The following SH3BGRL2 variants were observed in gnomAD, a reference collection of about 807,000 sequenced individuals.
SH3BGRL2 encodes the protein SH3 domain-binding glutamic acid-rich-like protein 2.
A neutral mutation model predicts 14.8 loss-of-function variants in SH3BGRL2; 21 were observed. The ratio of observed to expected loss-of-function variants is 1.42; its 90% CI spans 1.01 to 2.05. SH3BGRL2 has a LOEUF of 2.05. Ranked by LOEUF, SH3BGRL2 falls within the 30% of genes most tolerant of loss-of-function variation. SH3BGRL2 has a pLI of 0.00. For missense variants in SH3BGRL2, 147 were observed against 130.8 expected (o/e 1.12, Z -0.61); for synonymous variants, 50 against 47.8 (o/e 1.05, Z -0.19).
At chr6:79,647,712 A>C (rs1769171621) in intron 1 of SH3BGRL2, among the ~76,000 whole-genome samples, 1 of 152,162 alleles carries the variant, frequency 6.6e-6, no homozygotes, top group Non-Finnish European at 1.5e-5. Context: ...AAAAATAGCA[A>C]ATCTTGAATT....
chr6:79,643,932 A>T (rs1267230028), intron 1 of SH3BGRL2, among the ~76,000 whole-genome samples: 6 of 152,218 alleles, frequency 3.9e-5, no homozygotes, highest in African/African-American at 1.2e-4. Context: ...AAGTTGAATA[A>T]AACCAACTTG....
At chr6:79,662,633 G>A (rs1769575810) in intron 1 of SH3BGRL2, among the ~76,000 whole-genome samples, 1 of 152,002 alleles carries the variant, frequency 6.6e-6, no homozygotes, top group Admixed American at 6.5e-5. Context: ...TCTTGGAGTT[G>A]CTCTTCTCGG....
the SH3BGRL2 span, among the ~76,000 whole-genome samples, chr6:79,610,555 T>C: frequency 6.6e-6 from 1 of 152,224 alleles, no homozygotes; most frequent in Non-Finnish European, 1.5e-5. Context: ...ATGTTTCTCA[T>C]TATTCTTATT....
chr6:79,636,406 G>C (rs1304327904), intron 1 of SH3BGRL2, among the ~76,000 whole-genome samples: 2 of 152,156 alleles, frequency 1.3e-5, no homozygotes, highest in African/African-American at 2.4e-5. Context: ...CAGGGCTGAA[G>C]GACATTGGCA....
chr6:79,640,264 C>T (rs77292138), intron 1 of SH3BGRL2, among the ~76,000 whole-genome samples: 17,958 of 152,182 alleles, frequency 0.12, 1,238 homozygotes, highest in Non-Finnish European at 0.15. Context: ...CTTCATCTGT[C>T]AGCACTGGCT....
In SH3BGRL2 at chr6:79,672,599, C is replaced by T. The variant is rs993402279; in HGVS notation, c.46-1015C>T. On this transcript the variant is annotated intron_variant, in intron 1 of 3. Coordinates refer to ENST00000369838, the MANE Select transcript of SH3BGRL2 (RefSeq NM_031469.4). ...CTTTAAAACACAAACCTGGACATGCCTCCTGGTCATCAGATTGAAAAAATA... is the reference window on the plus strand; with the variant it reads ...CTTTAAAACACAAACCTGGACATGCTTCCTGGTCATCAGATTGAAAAAATA... 2.0e-5 allele frequency among the ~76,000 whole-genome samples: 3 copies of T among 152,096 alleles called. No individual in the cohort carries two copies. The East Asian group carries it at 5.8e-4, about 29-fold the overall frequency.
At chr6:79,554,281 A>G in the SH3BGRL2 span, among the ~76,000 whole-genome samples, 1 of 152,332 alleles carries the variant, frequency 6.6e-6, no homozygotes, top group South Asian at 2.1e-4. Flanking sequence ...GTTTAAAAAA[A>G]TTAAGTAGGA....
At chr6:79,675,213 A>G (rs1268380523) in intron 2 of SH3BGRL2, among the ~76,000 whole-genome samples, 2 of 152,206 alleles carry the variant, frequency 1.3e-5, no homozygotes, top group Non-Finnish European at 2.9e-5. Flanking sequence ...GGCTTTGAAA[A>G]TGCTTTTATT....
Position 79,631,506 on chromosome 6 carries a change from G to T in SH3BGRL2, c.45G>T (p.Ala15=). ...VFIASSSGFV[A]IKKKQQDVVR... ...TCGCCTCTTCCTCGGGCTTCGTGGC[G>T]GTGAGCGCGGTGGGGGCGGGCAGTA... Residue 15 remains alanine (A), a splice_region_variant and synonymous_variant, in exon 1 of 4, where the codon GCG becomes GCT. Transcript: ENST00000369838. The T allele has an allele frequency of 6.8e-7, 1 of 1,470,528 alleles. No individual in the cohort carries two copies. The highest frequency in any genetic ancestry group is 9.0e-7 in the Non-Finnish European group (1 of 1,106,032). 91.1% of individuals were successfully genotyped at this position (1,470,528 alleles called of 1,614,324 possible). A position where few individuals can be genotyped will look rare whatever the true frequency, so the allele number is the denominator to read the frequency against.
chr6:79,557,710 G>GAT, the SH3BGRL2 span, among the ~76,000 whole-genome samples: 1 of 152,132 alleles, frequency 6.6e-6, no homozygotes, highest in African/African-American at 2.4e-5. Flanking sequence ...CGCTTGTTAG[G>GAT]ATATAACCTT....
At chr6:79,563,016 C>T in the SH3BGRL2 span, among the ~76,000 whole-genome samples, 2 of 152,154 alleles carry the variant, frequency 1.3e-5, no homozygotes, top group Non-Finnish European at 2.9e-5. Flanking sequence ...AGTGCAGTAG[C>T]GCCATCTGGG....
At chr6:79,568,379 A>G in the SH3BGRL2 span, among the ~76,000 whole-genome samples, 5 of 152,214 alleles carry the variant, frequency 3.3e-5, no homozygotes, top group Non-Finnish European at 5.9e-5. Flanking sequence ...ACAATGAAAT[A>G]TTTAAAATAT....
upstream of SH3BGRL2, among the ~76,000 whole-genome samples, chr6:79,627,084 G>A (rs565923954): frequency 8.2e-4 from 124 of 152,034 alleles, 1 homozygote; most frequent in African/African-American, 2.5e-3. Flanking sequence ...CTATTTCCCC[G>A]GGCCACAGAC....
intron 2 of SH3BGRL2, among the ~76,000 whole-genome samples, chr6:79,688,229 A>G (rs2127737551): frequency 6.6e-6 from 1 of 152,134 alleles, no homozygotes; most frequent in Middle Eastern, 3.4e-3. Flanking sequence ...AAAAAACCAC[A>G]ACTGTTCAGG....
At chr6:79,663,537 G>C (rs572331396) in intron 1 of SH3BGRL2, among the ~76,000 whole-genome samples, 1 of 152,242 alleles carries the variant, frequency 6.6e-6, no homozygotes, top group Non-Finnish European at 1.5e-5. Context: ...TCCTCTGGAA[G>C]CGTCGTCCCA....
At chr6:79,549,404 C>T in the SH3BGRL2 span, among the ~76,000 whole-genome samples, 9 of 152,280 alleles carry the variant, frequency 5.9e-5, no homozygotes, top group South Asian at 1.2e-3. Context: ...ATGTTTTGGT[C>T]AATGGACCAC....
chr6:79,630,588 G>A (rs1329579412), upstream of SH3BGRL2, among the ~76,000 whole-genome samples: 2 of 152,188 alleles, frequency 1.3e-5, no homozygotes, highest in African/African-American at 2.4e-5. Context: ...TAAATATTAG[G>A]TGCACAGAGG....
chr6:79,578,399 G>A, the SH3BGRL2 span, among the ~76,000 whole-genome samples: 6 of 152,168 alleles, frequency 3.9e-5, no homozygotes, highest in Non-Finnish European at 8.8e-5. Flanking sequence ...TCATATGGGT[G>A]GAGGCCCCTC....
the SH3BGRL2 span, among the ~76,000 whole-genome samples, chr6:79,569,130 G>T: frequency 1.8e-3 from 279 of 152,302 alleles, 6 homozygotes; most frequent in African/African-American, 6.5e-3. Flanking sequence ...ATATACATTG[G>T]TTCTGTCCAG....
Sources: gnomAD v4.1 joint callset for allele counts (sites outside exome capture counted in the v4.1 genomes callset) on GRCh38, gnomAD v4.1.1 for gene constraint, MANE v1.5 for transcripts, NCBI Gene and HGNC (gene_info 2026-07-23, HGNC 2026-07-21) for gene names.